PDE4D: variants seen among roughly 807,000 people sequenced by gnomAD.
PDE4D encodes the protein phosphodiesterase 4D, also known as 3',5'-cyclic-AMP phosphodiesterase 4D.
PDE4D carries 24 observed loss-of-function variants against 87.4 expected under a neutral mutation model. The ratio of observed to expected loss-of-function variants is 0.27; its 90% CI spans 0.20 to 0.39. The LOEUF (loss-of-function observed/expected upper bound fraction) is 0.39. PDE4D is among the 10% of genes least tolerant of loss of function. The pLI is 1.00. For synonymous variants in PDE4D, 384 were observed against 383.2 expected (o/e 1.00, Z -0.02); for missense variants, 714 against 1,041.0 (o/e 0.69, Z 4.32).
chr5:59,321,106 T>C (rs916140249), intron 1 of PDE4D, among the ~76,000 whole-genome samples: 6 of 152,130 alleles, frequency 3.9e-5, no homozygotes, highest in Non-Finnish European at 8.8e-5. Flanking sequence ...TGACTCCATC[T>C]GTACTTTGTT....
Position 59,988,453 on chromosome 5 carries a change from T to C in PDE4D, c.272+35A>G, listed in dbSNP as rs765564930. 47 of 1,382,138 alleles carry C rather than the reference T, an allele frequency of 3.4e-5. No individual in the cohort carries two copies. In the South Asian group the frequency reaches 6.0e-4, roughly 18 times the overall value. The allele number at this position is 1,382,138 out of a possible 1,614,324, so 85.6% of individuals were successfully genotyped here. A position where few individuals can be genotyped will look rare whatever the true frequency, so the allele number is the denominator to read the frequency against. Reference sequence around the variant, plus strand: ...CACAGACAACAATCACCATCTAAAATATAAAATGGGGAAATGACATCTGAG... The same window carrying C: ...CACAGACAACAATCACCATCTAAAACATAAAATGGGGAAATGACATCTGAG... On this transcript the variant is annotated intron_variant, in intron 3 of 16. Coordinates refer to the PDE4D transcript ENST00000502484.
At chr5:59,887,793 T>C (rs1750385967) in intron 1 of PDE4D, among the ~76,000 whole-genome samples, 1 of 152,094 alleles carries the variant, frequency 6.6e-6, no homozygotes, top group East Asian at 1.9e-4. Flanking sequence ...AGAATGTTTG[T>C]TTTCTGAAGT....
chr5:59,326,446 A>T (rs1295233241), intron 1 of PDE4D, among the ~76,000 whole-genome samples: 1 of 152,090 alleles, frequency 6.6e-6, no homozygotes, highest in Non-Finnish European at 1.5e-5. Context: ...CCCCCCCAAG[A>T]CACATATAAC....
intron 1 of PDE4D, among the ~76,000 whole-genome samples, chr5:59,474,739 G>T (rs1242525683): frequency 5.9e-5 from 9 of 152,052 alleles, no homozygotes; most frequent in Admixed American, 3.9e-4. Flanking sequence ...GATTACTGCA[G>T]AATAACCTAG....
chr5:60,328,646 T>G (rs1040193824), intron 1 of PDE4D, among the ~76,000 whole-genome samples: 1 of 152,202 alleles, frequency 6.6e-6, no homozygotes, highest in Admixed American at 6.5e-5. Context: ...TTTTTTGGGC[T>G]CATGCATATA....
At chr5:59,039,558 G>A (rs1759256429) in intron 5 of PDE4D, 8 of 976,992 alleles carry the variant, frequency 8.2e-6, no homozygotes, top group South Asian at 9.5e-5. Flanking sequence ...GGCGCAGCGC[G>A]GCTCCAACGC....
At chr5:59,490,568 A>C (rs1416705939) in intron 1 of PDE4D, among the ~76,000 whole-genome samples, 1 of 152,242 alleles carries the variant, frequency 6.6e-6, no homozygotes, top group Non-Finnish European at 1.5e-5. Context: ...ATGTTCATAC[A>C]CATAATGTAA....
At chr5:59,942,982 G>A (rs950293589) in intron 3 of PDE4D, among the ~76,000 whole-genome samples, 2 of 151,996 alleles carry the variant, frequency 1.3e-5, no homozygotes. Context: ...ATCCCAAAAC[G>A]CACAGAACAG....
chr5:60,429,598 G>C (rs1744019435), intron 1 of PDE4D, among the ~76,000 whole-genome samples: 1 of 152,128 alleles, frequency 6.6e-6, no homozygotes, highest in South Asian at 2.1e-4. Context: ...TGTTGGCTGT[G>C]GGTTTTGTTG....
intron 3 of PDE4D, among the ~76,000 whole-genome samples, chr5:59,974,058 G>A (rs1246956458): frequency 6.6e-6 from 1 of 152,064 alleles, no homozygotes; most frequent in Non-Finnish European, 1.5e-5. Flanking sequence ...CCGTATGCAC[G>A]TGCCTTTCTG....
chr5:59,316,387 T>C (rs753827521), intron 1 of PDE4D, among the ~76,000 whole-genome samples: 3 of 152,170 alleles, frequency 2.0e-5, no homozygotes, highest in South Asian at 2.1e-4. Context: ...TAATGTTACA[T>C]TGATAGCTGA....
intron 1 of PDE4D, among the ~76,000 whole-genome samples, chr5:59,453,153 G>A (rs1273701360): frequency 6.6e-6 from 1 of 152,008 alleles, no homozygotes; most frequent in Non-Finnish European, 1.5e-5. Context: ...TGTTACTATT[G>A]TAATTGTTTA....
Position 59,649,904 on chromosome 5 carries a change from C to CTTTTTTTTTTTTTTTTTTTTTTTTTTTTT in PDE4D, c.455+243263_455+243264insAAAAAAAAAAAAAAAAAAAAAAAAAAAAA, listed in dbSNP as rs1561402852. The stretch of plus-strand genomic sequence containing the variant: ...TGTTAAAATGTTGATAGTTTGTGAA[C>CTTTTTTTTTTTTTTTTTTTTTTTTTTTTT]CTTTTTTTTTTTTTTTTTTTTTTTT... On this transcript the variant is annotated intron_variant, in intron 1 of 14. Coordinates refer to ENST00000340635, the MANE Select transcript of PDE4D (RefSeq NM_001104631.2). 2.7e-3 allele frequency among the ~76,000 whole-genome samples: 201 copies of CTTTTTTTTTTTTTTTTTTTTTTTTTTTTT among 73,970 alleles called. 68 individuals are homozygous for CTTTTTTTTTTTTTTTTTTTTTTTTTTTTT. The highest frequency in any genetic ancestry group is 0.017 in the Middle Eastern group (2 of 116). 48.5% of individuals were successfully genotyped at this position (73,970 alleles called of 152,430 possible).
chr5:59,622,676 G>A (rs150294186), intron 1 of PDE4D, among the ~76,000 whole-genome samples: 27 of 152,248 alleles, frequency 1.8e-4, no homozygotes, highest in African/African-American at 6.0e-4. Context: ...TTGCCAAAGC[G>A]CATCAGCACC....
intron 1 of PDE4D, among the ~76,000 whole-genome samples, chr5:59,796,067 A>G (rs576481169): frequency 2.0e-5 from 3 of 152,206 alleles, no homozygotes; most frequent in Non-Finnish European, 4.4e-5. Context: ...CTGTGAGACA[A>G]TGCATTTTGG....
chr5:59,856,686 A>C (rs1024651210), intron 1 of PDE4D, among the ~76,000 whole-genome samples: 1 of 152,198 alleles, frequency 6.6e-6, no homozygotes, highest in African/African-American at 2.4e-5. Context: ...CTGAACTTTC[A>C]ACTGAAGTAA....
chr5:60,028,128 A>T (rs538673456), intron 2 of PDE4D, among the ~76,000 whole-genome samples: 1 of 152,086 alleles, frequency 6.6e-6, no homozygotes, highest in Non-Finnish European at 1.5e-5. Context: ...GCCCAAATAC[A>T]TCACTATTTC....
chr5:59,028,103 C>T (rs1458756752), intron 6 of PDE4D, among the ~76,000 whole-genome samples: 1 of 152,122 alleles, frequency 6.6e-6, no homozygotes, highest in African/African-American at 2.4e-5. Context: ...TATTCTTCTG[C>T]ACTGCATTAT....
chr5:60,441,828 G>A lies in PDE4D; in HGVS notation c.-90+46114C>T, dbSNP rs187218404. Among the ~76,000 whole-genome samples the A allele has an allele frequency of 7.5e-3, 1,133 of 151,970 alleles. 12 individuals are homozygous for A. The highest frequency in any genetic ancestry group is 8.9e-3 in the Non-Finnish European group (606 of 67,904). ...GAAGACATTTATGCCCCCTGCAAACGTATGAAAAAAAAGCTCATCATCACT... is the reference window on the plus strand; with the variant it reads ...GAAGACATTTATGCCCCCTGCAAACATATGAAAAAAAAGCTCATCATCACT... On this transcript the variant is annotated intron_variant, in intron 1 of 16. Coordinates refer to the PDE4D transcript ENST00000502484.
Sources: gnomAD v4.1 joint callset for allele counts (sites outside exome capture counted in the v4.1 genomes callset) on GRCh38, gnomAD v4.1.1 for gene constraint, MANE v1.5 for transcripts, NCBI Gene and HGNC (gene_info 2026-07-23, HGNC 2026-07-21) for gene names.